Variants in BMAL2 observed in about 807,000 individuals in gnomAD.
BMAL2 encodes the protein basic helix-loop-helix ARNT-like protein 2.
the BMAL2 span, among the ~76,000 whole-genome samples, chr12:27,411,397 A>T: frequency 6.6e-6 from 1 of 152,174 alleles, no homozygotes; most frequent in African/African-American, 2.4e-5. Flanking sequence ...GTAGAGGATC[A>T]CTTGAGGCTA....
chr12:27,342,631 C>T, the BMAL2 span, among the ~76,000 whole-genome samples: 7 of 152,360 alleles, frequency 4.6e-5, no homozygotes, highest in Admixed American at 2.6e-4. Context: ...GCTCTATCTT[C>T]TTTCCTTGAA....
At chr12:27,365,498 G>A in the BMAL2 span, among the ~76,000 whole-genome samples, 1 of 152,006 alleles carries the variant, frequency 6.6e-6, no homozygotes, top group African/African-American at 2.4e-5. Context: ...ACAAAGAAAA[G>A]TTGGGGGTCA....
the BMAL2 span, among the ~76,000 whole-genome samples, chr12:27,377,256 T>G: frequency 5.5e-4 from 84 of 152,334 alleles, no homozygotes; most frequent in African/African-American, 2.0e-3. Context: ...AGAGCTAGCC[T>G]CTGGATAAAT....
At chr12:27,395,328 G>T in the BMAL2 span, among the ~76,000 whole-genome samples, 1 of 152,104 alleles carries the variant, frequency 6.6e-6, no homozygotes, top group African/African-American at 2.4e-5. Context: ...GACAACACAT[G>T]ACTGAATATA....
At chr12:27,378,019 T>C in the BMAL2 span, among the ~76,000 whole-genome samples, 6 of 152,262 alleles carry the variant, frequency 3.9e-5, no homozygotes, top group Middle Eastern at 3.4e-3. Context: ...TAAAAACAGA[T>C]CAGGGAAGTC....
At chr12:27,410,327 A>C in the BMAL2 span, among the ~76,000 whole-genome samples, 1 of 152,230 alleles carries the variant, frequency 6.6e-6, no homozygotes, top group Non-Finnish European at 1.5e-5. Flanking sequence ...TCACAATAGC[A>C]GAGACTGGGA....
the BMAL2 span, among the ~76,000 whole-genome samples, chr12:27,352,301 T>G: frequency 7.9e-5 from 12 of 152,212 alleles, no homozygotes; most frequent in Admixed American, 5.9e-4. Flanking sequence ...AATCCTAAAC[T>G]TTTTGAGTAC....
At chr12:27,354,194 A>C in the BMAL2 span, among the ~76,000 whole-genome samples, 1 of 152,244 alleles carries the variant, frequency 6.6e-6, no homozygotes, top group Non-Finnish European at 1.5e-5. Flanking sequence ...CGGACTGGAC[A>C]AAGAAAATGT....
the BMAL2 span, among the ~76,000 whole-genome samples, chr12:27,411,459 AAAAG>A: frequency 6.6e-6 from 1 of 152,100 alleles, no homozygotes. Flanking sequence ...TCAAAAAAAA[AAAAG>A]AGAGATTAGC....
At chr12:27,404,118 C>G in the BMAL2 span, among the ~76,000 whole-genome samples, 1 of 142,812 alleles carries the variant, frequency 7.0e-6, no homozygotes, top group Non-Finnish European at 1.5e-5. Flanking sequence ...GGGGCAGTGT[C>G]AAGGCTGTAG....
the BMAL2 span, among the ~76,000 whole-genome samples, chr12:27,347,686 TTAAAACA>T: frequency 6.6e-6 from 1 of 152,190 alleles, no homozygotes; most frequent in Non-Finnish European, 1.5e-5. Context: ...TATTCTAAGG[TTAAAACA>T]TAAACATTAT....
chr12:27,415,875 GTCT>G, the BMAL2 span: 6 of 1,603,582 alleles, frequency 3.7e-6, no homozygotes, highest in Non-Finnish European at 5.1e-6. Flanking sequence ...AAAGGTTACA[GTCT>G]TCTTCATACC....
At chr12:27,362,136 T>A in the BMAL2 span, among the ~76,000 whole-genome samples, 1 of 152,200 alleles carries the variant, frequency 6.6e-6, no homozygotes, top group African/African-American at 2.4e-5. Context: ...TCTGGTATTA[T>A]ATATTCCAGG....
chr12:27,369,832 C>G, the BMAL2 span, among the ~76,000 whole-genome samples: 5 of 152,040 alleles, frequency 3.3e-5, no homozygotes, highest in Non-Finnish European at 7.4e-5. Context: ...AAGAAACATG[C>G]GAAGTACTGA....
At chr12:27,394,644 T>A in the BMAL2 span, 1 of 152,016 alleles carries the variant, frequency 6.6e-6, no homozygotes, top group Non-Finnish European at 1.5e-5. Flanking sequence ...AATTTCAACA[T>A]TTTTTTTAGA....
the BMAL2 span, among the ~76,000 whole-genome samples, chr12:27,408,011 C>G: frequency 6.1e-4 from 93 of 152,168 alleles, no homozygotes; most frequent in Non-Finnish European, 1.2e-3. Context: ...GGATAAATTC[C>G]TGACACATAC....
chr12:27,400,652 T>C, the BMAL2 span: 1 of 1,614,036 alleles, frequency 6.2e-7, no homozygotes, highest in Admixed American at 1.7e-5. Context: ...TTACCTGCCT[T>C]GTGGCCATTG....
At chr12:27,351,124 G>C in the BMAL2 span, among the ~76,000 whole-genome samples, 13 of 151,938 alleles carry the variant, frequency 8.6e-5, no homozygotes, top group Non-Finnish European at 1.6e-4. Context: ...GAGTAGCTGG[G>C]ACTACAGGTG....
At chr12:27,342,179 C>G in the BMAL2 span, among the ~76,000 whole-genome samples, 1 of 152,204 alleles carries the variant, frequency 6.6e-6, no homozygotes, top group Non-Finnish European at 1.5e-5. Context: ...CTCAAGTGAT[C>G]TGCCCACCTT....
Sources: allele counts gnomAD v4.1 joint callset (sites outside exome capture counted in the v4.1 genomes callset), GRCh38; gene constraint gnomAD v4.1.1; transcripts MANE v1.5; gene names NCBI Gene and HGNC (gene_info 2026-07-23, HGNC 2026-07-21).